Variants in PTPRD observed in about 807,000 individuals in gnomAD.
PTPRD encodes the protein protein tyrosine phosphatase receptor type D.
In PTPRD, 34 loss-of-function variants were observed where a neutral mutation model predicts 214.5. The ratio of observed to expected loss-of-function variants is 0.16; its 90% CI spans 0.12 to 0.21. The LOEUF (loss-of-function observed/expected upper bound fraction) is 0.21, where lower values mean the gene tolerates loss of function less well. PTPRD is among the 10% of genes least tolerant of loss of function. The pLI is 1.00. For synonymous variants in PTPRD, 1,128 were observed against 845.7 expected (o/e 1.33, Z -5.79); for missense variants, 2,545 against 2,398.7 (o/e 1.06, Z -1.27).
intron 33 of PTPRD, among the ~76,000 whole-genome samples, chr9:8,460,036 A>G (rs527270974): frequency 2.0e-4 from 30 of 152,148 alleles, no homozygotes; most frequent in Non-Finnish European, 4.1e-4. Context: ...GTGTTTCAAA[A>G]AACACACTGA....
At chr9:9,615,092 C>A (rs1452549911) in intron 7 of PTPRD, among the ~76,000 whole-genome samples, 1 of 152,156 alleles carries the variant, frequency 6.6e-6, no homozygotes, top group Non-Finnish European at 1.5e-5. Flanking sequence ...GTCCCAGCAG[C>A]CACTGGCTCA....
intron 7 of PTPRD, among the ~76,000 whole-genome samples, chr9:9,600,692 T>A (rs1033438427): frequency 6.6e-6 from 1 of 152,050 alleles, no homozygotes; most frequent in African/African-American, 2.4e-5. Context: ...GATTATTCTA[T>A]GAATCTCACA....
intron 3 of PTPRD, among the ~76,000 whole-genome samples, chr9:10,083,408 A>G (rs1387880759): frequency 1.3e-5 from 2 of 152,080 alleles, no homozygotes; most frequent in African/African-American, 4.8e-5. Flanking sequence ...AAAGGGCATG[A>G]CATGATACAC....
intron 11 of PTPRD, among the ~76,000 whole-genome samples, chr9:8,869,895 C>T (rs1189966313): frequency 3.9e-5 from 6 of 152,114 alleles, no homozygotes; most frequent in Admixed American, 2.0e-4. Context: ...ACCCACTACC[C>T]TTCTGGCCAT....
chr9:9,670,486 A>T (rs1343465023), intron 7 of PTPRD, among the ~76,000 whole-genome samples: 1 of 152,186 alleles, frequency 6.6e-6, no homozygotes, highest in African/African-American at 2.4e-5. Context: ...AAGGAACCAA[A>T]TGTTAATCCC....
intron 21 of PTPRD, among the ~76,000 whole-genome samples, chr9:8,513,194 A>G (rs979264874): frequency 3.9e-5 from 6 of 152,178 alleles, no homozygotes; most frequent in Middle Eastern, 6.8e-3. Flanking sequence ...AAGTCTTTTC[A>G]TATTTAAAAC....
chr9:9,113,105 T>C (rs2154453033), intron 10 of PTPRD, among the ~76,000 whole-genome samples: 1 of 151,822 alleles, frequency 6.6e-6, no homozygotes, highest in African/African-American at 2.4e-5. Flanking sequence ...GCTAGAACTA[T>C]GGATGTGTAC....
intron 5 of PTPRD, among the ~76,000 whole-genome samples, chr9:9,808,219 A>G (rs1258543373): frequency 6.6e-6 from 1 of 152,224 alleles, no homozygotes; most frequent in African/African-American, 2.4e-5. Context: ...ACGATTCTCC[A>G]AAGTATAGAG....
chr9:10,040,637 T>G (rs971825386), intron 3 of PTPRD, among the ~76,000 whole-genome samples: 1 of 152,040 alleles, frequency 6.6e-6, no homozygotes, highest in Non-Finnish European at 1.5e-5. Flanking sequence ...CTCACATAGT[T>G]AACTTCTTCC....
intron 39 of PTPRD, 41 bp downstream of exon 39, chr9:8,375,895 G>C (rs199498301): frequency 8.2e-6 from 13 of 1,587,088 alleles, no homozygotes; most frequent in Middle Eastern, 3.5e-4. Context: ...AGTCAATTTA[G>C]CTTTCTGTTT....
intron 2 of PTPRD, among the ~76,000 whole-genome samples, chr9:10,567,620 C>T (rs1006655235): frequency 1.3e-5 from 2 of 151,830 alleles, no homozygotes; most frequent in Non-Finnish European, 2.9e-5. Context: ...ATCTGATAGT[C>T]AAATGGAATA....
At chr9:9,195,550 G>T (rs1020178287) in intron 9 of PTPRD, among the ~76,000 whole-genome samples, 5 of 151,996 alleles carry the variant, frequency 3.3e-5, no homozygotes, top group African/African-American at 1.2e-4. Context: ...ACAAAGTTTT[G>T]AAATTTTGGT....
intron 11 of PTPRD, among the ~76,000 whole-genome samples, chr9:8,959,181 A>G (rs997318582): frequency 3.3e-5 from 5 of 151,984 alleles, no homozygotes; most frequent in African/African-American, 1.2e-4. Context: ...TTGAGCACCC[A>G]TCATGTGTAA....
chr9:9,885,293 AAAGT>A (rs2070420878), intron 5 of PTPRD, among the ~76,000 whole-genome samples: 1 of 152,138 alleles, frequency 6.6e-6, no homozygotes, highest in African/African-American at 2.4e-5. Flanking sequence ...AAAGTTTCTC[AAAGT>A]AAGATAAGGC....
chr9:10,312,314 C>T (rs933373173), intron 3 of PTPRD, among the ~76,000 whole-genome samples: 1 of 151,946 alleles, frequency 6.6e-6, no homozygotes, highest in Non-Finnish European at 1.5e-5. Context: ...TTGTAAAGAA[C>T]ATTGATTTCT....
intron 14 of PTPRD, among the ~76,000 whole-genome samples, chr9:8,612,235 C>T (rs1211714024): frequency 1.3e-5 from 2 of 152,192 alleles, no homozygotes; most frequent in Non-Finnish European, 2.9e-5. Context: ...TCCTACAAAA[C>T]ATATCTCCTT....
chr9:8,511,238 T>G (rs957866641), intron 21 of PTPRD, among the ~76,000 whole-genome samples: 3 of 152,022 alleles, frequency 2.0e-5, no homozygotes, highest in Admixed American at 6.5e-5. Flanking sequence ...CCGGCTAATT[T>G]TTTAATGTTT....
intron 9 of PTPRD, among the ~76,000 whole-genome samples, chr9:9,367,016 T>C (rs961938318): frequency 2.0e-5 from 3 of 151,332 alleles, no homozygotes; most frequent in Admixed American, 1.3e-4. Flanking sequence ...TCTCAGGATA[T>C]TGTAATACAT....
intron 10 of PTPRD, among the ~76,000 whole-genome samples, chr9:9,135,116 G>T (rs536089269): frequency 6.6e-6 from 1 of 152,226 alleles, no homozygotes; most frequent in Non-Finnish European, 1.5e-5. Context: ...GTAGTGAGTT[G>T]TGTCTGGAAT....
Sources: allele counts gnomAD v4.1 joint callset (sites outside exome capture counted in the v4.1 genomes callset), GRCh38; gene constraint gnomAD v4.1.1; transcripts MANE v1.5; gene names NCBI Gene and HGNC (gene_info 2026-07-23, HGNC 2026-07-21).